Variants in PTK2B observed in about 807,000 individuals in gnomAD.
PTK2B encodes protein-tyrosine kinase 2-beta.
In PTK2B, 71 loss-of-function variants were observed where a neutral mutation model predicts 142.9. That is an observed-to-expected ratio of 0.50 (90% CI 0.41 to 0.61). PTK2B has a LOEUF of 0.61. Ranked by LOEUF, PTK2B falls within the 20% of genes least tolerant of loss-of-function variation. PTK2B has a pLI of 0.00. For missense variants in PTK2B, 1,105 were observed against 1,320.4 expected (o/e 0.84, Z 2.53); for synonymous variants, 519 against 503.4 (o/e 1.03, Z -0.42).
rs1370754935 is a variant in PTK2B at position 27,363,883 on chromosome 8, AG to A, written c.-37-33663del. Among the ~76,000 whole-genome samples the A allele has an allele frequency of 6.6e-6, 1 of 152,182 alleles. No individual in the cohort carries two copies. The highest frequency in any genetic ancestry group is 1.5e-5 in the Non-Finnish European group (1 of 68,018). On this transcript the variant is annotated intron_variant, in intron 1 of 30. Transcript: ENST00000346049. This position sits in a 1 kb window ranked among gnomAD's most constrained non-coding sequence, Gnocchi z 4.3. ...ATTACTCTCCCACGTGCTGGAGATG[AG>A]GAAGTGAGGAAATACCCAGGGCGCT...
chr8:27,439,976 G>GAGAAGA (rs1279709332), intron 20 of PTK2B, among the ~76,000 whole-genome samples: 2 of 152,180 alleles, frequency 1.3e-5, no homozygotes, highest in African/African-American at 4.8e-5. Context: ...GGTCCCAATA[G>GAGAAGA]CATGCCATGA....
Position 27,430,020 on chromosome 8 carries a change from G to A in PTK2B, c.552-73G>A. 5 of 1,385,656 alleles carry A rather than the reference G, an allele frequency of 3.6e-6. No individual in the cohort carries two copies. The South Asian group carries it at 4.6e-5, about 13-fold the overall frequency. The allele number at this position is 1,385,656 out of a possible 1,614,324, so 85.8% of individuals were successfully genotyped here. On this transcript the variant is annotated intron_variant, in intron 5 of 30. Transcript: ENST00000346049. ...TGGCAGGGGAAGGGGGCTTCTGGTG[G>A]CATGAGGTGCCCTGGGTCTGACTGC...
chr8:27,413,800 G>A (rs1809213773), intron 2 of PTK2B, among the ~76,000 whole-genome samples: 1 of 152,184 alleles, frequency 6.6e-6, no homozygotes, highest in Non-Finnish European at 1.5e-5. Context: ...ATCACCCATT[G>A]ATGAATCCTG....
intron 2 of PTK2B, among the ~76,000 whole-genome samples, chr8:27,419,172 C>A (rs1809587760): frequency 6.6e-6 from 1 of 152,226 alleles, no homozygotes; most frequent in African/African-American, 2.4e-5. Context: ...GGGAGACAGG[C>A]AGTCTATTAA....
intron 5 of PTK2B, among the ~76,000 whole-genome samples, chr8:27,428,327 G>C (rs1027293261): frequency 1.3e-5 from 2 of 152,166 alleles, no homozygotes; most frequent in African/African-American, 4.8e-5. Context: ...GGCCAGGACC[G>C]GTCCATGGTC....
intron 1 of PTK2B, among the ~76,000 whole-genome samples, chr8:27,356,704 C>T (rs1805410949): frequency 6.6e-6 from 1 of 152,234 alleles, no homozygotes; most frequent in South Asian, 2.1e-4. Flanking sequence ...AGTATATTCA[C>T]ACCATGAAAT....
chr8:27,312,737 T>A (rs1260932616), intron 2 of PTK2B, among the ~76,000 whole-genome samples: 3 of 152,180 alleles, frequency 2.0e-5, no homozygotes, highest in Non-Finnish European at 4.4e-5. Context: ...CCAGAACCCC[T>A]TTTTCCTAAA....
At chr8:27,338,567 AG>A (rs1325608532) in intron 1 of PTK2B, among the ~76,000 whole-genome samples, 1 of 152,220 alleles carries the variant, frequency 6.6e-6, no homozygotes, top group African/African-American at 2.4e-5. Flanking sequence ...AATTTTAAAA[AG>A]AAAAATTGCT....
rs1418506610 is a variant in PTK2B at position 27,433,441 on chromosome 8, T to C, written c.994T>C (p.Ser332Pro). The C allele has an allele frequency of 3.1e-6, 5 of 1,613,802 alleles. No individual in the cohort carries two copies. The African/African-American group carries it at 5.3e-5, about 17-fold the overall frequency. ...GCTGGTCTCTGCTCCGCAGGCCTTG[T>C]CCATCAAAACCTCATCCCTAGCAGA... ...LGIEGAPQAL[S>P]IKTSSLAEAE... is the part of the protein sequence containing the mutation. Residue 332 changes from serine to proline, a missense_variant, in exon 11 of 31, where the codon TCC (serine) becomes CCC (proline). Coordinates refer to ENST00000346049, the MANE Select transcript of PTK2B (RefSeq NM_173176.3).
At chr8:27,379,494 C>G (rs1341051151) in intron 1 of PTK2B, among the ~76,000 whole-genome samples, 1 of 152,194 alleles carries the variant, frequency 6.6e-6, no homozygotes, top group Non-Finnish European at 1.5e-5. Flanking sequence ...TCCCAAAGTG[C>G]TAGGATTACA....
At chr8:27,392,008 G>A (rs778813089) in intron 1 of PTK2B, among the ~76,000 whole-genome samples, 4 of 152,214 alleles carry the variant, frequency 2.6e-5, no homozygotes, top group East Asian at 1.9e-4. Flanking sequence ...AGGACAGAAT[G>A]CCAGGGCTTG....
chr8:27,378,618 TGTGTGTGTGTGTGTG>T (rs1806818548), intron 1 of PTK2B, among the ~76,000 whole-genome samples: 4 of 87,394 alleles, frequency 4.6e-5, no homozygotes, highest in African/African-American at 3.0e-4. Context: ...TGTGTGTGTG[TGTGTGTGTGTGTGTG>T]TGTGTGTGTG....
rs1315148675 is a variant in PTK2B at position 27,414,305 on chromosome 8, C to T, written c.205-5590C>T. Among the ~76,000 whole-genome samples the T allele has an allele frequency of 3.3e-5, 5 of 151,928 alleles. No homozygotes were observed. In the East Asian group the frequency reaches 7.8e-4, roughly 24 times the overall value. ...TGTTGCCCAGGCTGGAGTTCAGTGGCGCAATCTCTGCTCACTGCAAGCTCC... is the reference window on the plus strand; with the variant it reads ...TGTTGCCCAGGCTGGAGTTCAGTGGTGCAATCTCTGCTCACTGCAAGCTCC... On this transcript the variant is annotated intron_variant, in intron 2 of 30. Coordinates refer to ENST00000346049, the MANE Select transcript of PTK2B (RefSeq NM_173176.3).
chr8:27,429,946 TA>T, intron 5 of PTK2B, 146 bp from the exon 6 acceptor site: 1 of 763,456 alleles, frequency 1.3e-6, no homozygotes, highest in Non-Finnish European at 2.3e-6. Context: ...GTCAAAATAC[TA>T]AATTTTATGA....
At chr8:27,419,806 A>C in intron 2 of PTK2B, 89 bp from the exon 3 acceptor site, 53 of 1,402,884 alleles carry the variant, frequency 3.8e-5, no homozygotes, top group Non-Finnish European at 4.7e-5. Flanking sequence ...ATCCCACCCT[A>C]GAGAATCCCA....
intron 16 of PTK2B, 81 bp downstream of exon 16, chr8:27,437,287 C>T: frequency 1.3e-6 from 2 of 1,548,404 alleles, no homozygotes; most frequent in Non-Finnish European, 1.8e-6. Context: ...AGTGCAGGGA[C>T]CCATGTTGGA....
At chr8:27,412,011 G>A (rs1809095276) in intron 2 of PTK2B, among the ~76,000 whole-genome samples, 1 of 152,212 alleles carries the variant, frequency 6.6e-6, no homozygotes, top group African/African-American at 2.4e-5. Context: ...GAAACATAGA[G>A]GACAGGTCTG....
intron 1 of PTK2B, chr8:27,396,301 C>G (rs1177501840): frequency 2.6e-5 from 4 of 152,230 alleles, no homozygotes; most frequent in Admixed American, 6.5e-5. Context: ...TTCCACTTTT[C>G]AAATGTGTGA....
intron 5 of PTK2B, among the ~76,000 whole-genome samples, chr8:27,424,254 C>A (rs1443135087): frequency 6.6e-6 from 1 of 152,182 alleles, no homozygotes; most frequent in Admixed American, 6.5e-5. Context: ...GACCCATTAA[C>A]ATTCTATTTT....
Sources: allele counts gnomAD v4.1 joint callset (sites outside exome capture counted in the v4.1 genomes callset), GRCh38; gene constraint gnomAD v4.1.1; non-coding constraint Gnocchi (gnomAD v3.1); transcripts MANE v1.5; gene names NCBI Gene and HGNC (gene_info 2026-07-23, HGNC 2026-07-21).